ANKK1: variants seen among roughly 807,000 people sequenced by gnomAD.
The protein encoded by ANKK1 is ankyrin repeat and protein kinase domain-containing protein 1.
Under a neutral mutation model 37.6 loss-of-function variants are expected in ANKK1, and 37 were observed. The observed-to-expected ratio is 0.98, with a 90% CI of 0.76 to 1.29. The LOEUF is 1.29. Ranked by LOEUF, ANKK1 falls within the 50% of genes most tolerant of loss-of-function variation. The pLI is 0.00. For missense variants in ANKK1, 1,019 were observed against 990.6 expected, an observed-to-expected ratio of 1.03 and a Z score of -0.39; for synonymous variants, 415 against 418.7, an observed-to-expected ratio of 0.99 and a Z score of 0.11.
intron 2 of ANKK1, chr11:113,394,628 C>T (rs1950621794): frequency 5.7e-6 from 3 of 527,214 alleles, no homozygotes; most frequent in Non-Finnish European, 1.1e-5. Flanking sequence ...CACATCCTAA[C>T]TACATGCCAG....
intron 1 of ANKK1, among the ~76,000 whole-genome samples, chr11:113,391,741 A>G (rs1353667806): frequency 2.0e-5 from 3 of 152,134 alleles, no homozygotes; most frequent in Admixed American, 6.5e-5. Context: ...TGAATATCCA[A>G]TTGGAGATGA....
chr11:113,393,875 G>A (rs1950613644), intron 2 of ANKK1, 100 bp downstream of exon 2: 3 of 1,355,030 alleles, frequency 2.2e-6, no homozygotes, highest in Non-Finnish European at 3.0e-6. Flanking sequence ...AGGGTTTTAA[G>A]CAGTTCCCTT....
chr11:113,395,306 G>A, intron 3 of ANKK1, 53 bp from the exon 4 acceptor site: 1 of 1,609,536 alleles, frequency 6.2e-7, no homozygotes, highest in Non-Finnish European at 8.5e-7. Flanking sequence ...CCGGGCTGGG[G>A]TGATCTTGGA....
Position 113,400,300 on chromosome 11 carries a change from T to A in ANKK1, c.*33T>A. ...GGCCAGCCGTGGTGGCTCACGTCTG[T>A]AATCCCAGCACTTTGGGAGGCTGAG... On this transcript the variant is annotated 3_prime_UTR_variant, in exon 8 of 8. Coordinates refer to ENST00000303941, the MANE Select transcript of ANKK1 (RefSeq NM_178510.2). The A allele has an allele frequency of 6.7e-7, 1 of 1,500,762 alleles. No individual in the cohort carries two copies. Among genetic ancestry groups the A allele is most frequent in the Non-Finnish European group, 8.9e-7 (1 of 1,118,868 alleles). The allele number at this position is 1,500,762 out of a possible 1,614,324, so 93.0% of individuals were successfully genotyped here.
Position 113,399,455 on chromosome 11 carries a change from AC to A in ANKK1, c.1492del (p.Leu498SerfsTer16), listed in dbSNP as rs200507206. 7 of 1,593,962 alleles carry A rather than the reference AC, an allele frequency of 4.4e-6. No homozygotes were observed. In the Admixed American group the frequency reaches 5.2e-5, roughly 12 times the overall value. ...CAACCTGCATGAGGCTGAGGGCAAGACCCCCCTCCATGTGGCCGCCTACTTT... is the reference window on the plus strand; with the variant it reads ...CAACCTGCATGAGGCTGAGGGCAAGACCCCCTCCATGTGGCCGCCTACTTT... ...DPNLHEAEGK[T>X]PLHVAAYFGH... On this transcript the variant is annotated frameshift_variant, in exon 8 of 8. Transcript: ENST00000303941. LOFTEE classifies it low-confidence loss of function (END_TRUNC).
intron 3 of ANKK1, 72 bp downstream of exon 3, chr11:113,395,152 A>C: frequency 6.5e-7 from 1 of 1,533,458 alleles, no homozygotes; most frequent in Non-Finnish European, 8.8e-7. Flanking sequence ...CCTGGCCTCT[A>C]TGGCCCAAAG....
rs371927986 is a variant in ANKK1 at position 113,400,151 on chromosome 11, C to T, written c.2182C>T (p.Pro728Ser). The change falls in exon 8 of 8, where the codon CCC becomes TCC. Residue 728 changes from proline (P) to serine (S), a missense_variant. By Grantham distance (74) the Pro-to-Ser change is moderately conservative. Coordinates refer to ENST00000303941, the MANE Select transcript of ANKK1 (RefSeq NM_178510.2). ...LDVQDGVSCTPLQLALRSRKQ... is the reference protein window; with the variant it reads ...LDVQDGVSCTSLQLALRSRKQ... ...CGTCCAGGATGGAGTGAGCTGCACA[C>T]CCCTGCAACTGGCCCTCCGCAGCCG... is the stretch of plus-strand genomic sequence containing the variant. The T allele has an allele frequency of 1.4e-5, 23 of 1,603,600 alleles. No individual in the cohort carries two copies. The highest frequency in any genetic ancestry group is 2.0e-5 in the Non-Finnish European group (23 of 1,175,420).
At chr11:113,388,787 T>C (rs575662964) in intron 1 of ANKK1, among the ~76,000 whole-genome samples, 40 of 152,384 alleles carry the variant, frequency 2.6e-4, no homozygotes, top group African/African-American at 8.7e-4. Flanking sequence ...TGATTTGGAA[T>C]CCAGTCTCAT....
chr11:113,398,932 C>CA, intron 7 of ANKK1, 32 bp from the exon 8 acceptor site: 1 of 1,533,608 alleles, frequency 6.5e-7, no homozygotes, highest in African/African-American at 1.4e-5. Flanking sequence ...GGTCACAGGT[C>CA]TTTTTTTTCA....
rs146498786 is a variant in ANKK1 at position 113,396,208 on chromosome 11, G to A, written c.824G>A (p.Arg275Lys). 431 of 1,613,988 alleles carry A rather than the reference G, an allele frequency of 2.7e-4. 6 individuals carry two copies. The East Asian group carries it at 9.4e-3, about 35-fold the overall frequency. The change falls in exon 5 of 8, where the codon AGG (arginine) becomes AAG (lysine). Residue 275 changes from arginine (R) to lysine (K), a missense_variant. Physicochemically the swap from Arg to Lys is conservative, Grantham distance 26. Coordinates refer to ENST00000303941, the MANE Select transcript of ANKK1 (RefSeq NM_178510.2). Reference protein sequence around the residue: ...KRCWDQDPKKRPCFLDITIET... With the variant: ...KRCWDQDPKKKPCFLDITIET... ...TGCTGGGACCAGGACCCCAAGAAGA[G>A]GCCATGCTTTCTAGGTGCTTATCCA...
chr11:113,396,368 C>G, intron 5 of ANKK1, 146 bp downstream of exon 5: 1 of 984,526 alleles, frequency 1.0e-6, no homozygotes, highest in African/African-American at 1.7e-5. Context: ...TTCAGAGACA[C>G]GGTCTCTCTG....
intron 2 of ANKK1, among the ~76,000 whole-genome samples, chr11:113,394,457 CT>C (rs1288873321): frequency 6.6e-6 from 1 of 152,204 alleles, no homozygotes; most frequent in Non-Finnish European, 1.5e-5. Flanking sequence ...CACAGCCTTC[CT>C]GGCCCTCAAT....
intron 7 of ANKK1, among the ~76,000 whole-genome samples, chr11:113,398,752 A>C (rs1950660348): frequency 6.6e-6 from 1 of 152,150 alleles, no homozygotes; most frequent in African/African-American, 2.4e-5. Context: ...CTGTGAGGAA[A>C]GGACTGCAGG....
At chr11:113,388,550 G>A (rs1369708059) in intron 1 of ANKK1, among the ~76,000 whole-genome samples, 1 of 152,164 alleles carries the variant, frequency 6.6e-6, no homozygotes, top group African/African-American at 2.4e-5. Flanking sequence ...ACGGTGGCGG[G>A]AGGGAGGAGG....
At chr11:113,394,867 A>G in intron 2 of ANKK1, 62 bp from the exon 3 acceptor site, 3 of 1,593,998 alleles carry the variant, frequency 1.9e-6, no homozygotes, top group South Asian at 2.3e-5. Context: ...GTGAGAAGCC[A>G]TAGCCGTTTT....
At position 113,393,620 on chromosome 11, in the gene ANKK1, G is replaced by A. The variant is rs764128747; in HGVS notation, c.325G>A (p.Val109Met). ...TATGGCCAACGGCTCCCTGGAGAAG[G>A]TGCTGTCCACCCACAGCCTCTGCTG... ...EFMANGSLEKVLSTHSLCWKL... is the reference protein window; with the variant it reads ...EFMANGSLEKMLSTHSLCWKL... The change falls in exon 2 of 8, where the codon GTG becomes ATG. Residue 109 changes from valine to methionine, a missense_variant. Transcript: ENST00000303941. 10 of 1,613,808 alleles carry A rather than the reference G, an allele frequency of 6.2e-6. No individual in the cohort carries two copies. The Admixed American group carries it at 6.7e-5, about 11-fold the overall frequency.
rs1467626180 is a variant in ANKK1 at position 113,400,194 on chromosome 11, C to T, written c.2225C>T (p.Ser742Phe). Residue 742 changes from serine to phenylalanine, a missense_variant, in exon 8 of 8, where the codon TCC (serine) becomes TTC (phenylalanine). Physicochemically the swap from Ser to Phe is radical, Grantham distance 155. Transcript: ENST00000303941. ...CGCAGCCGAAAGCAGGGCATCATGTCCTTCCTAGAGGGCAAGGAGCCGTCA... is the reference window on the plus strand; with the variant it reads ...CGCAGCCGAAAGCAGGGCATCATGTTCTTCCTAGAGGGCAAGGAGCCGTCA... ...ALRSRKQGIM[S>F]FLEGKEPSVA... The T allele has an allele frequency of 5.1e-6, 8 of 1,562,576 alleles. No homozygotes were observed. The South Asian group carries it at 9.4e-5, about 18-fold the overall frequency.
chr11:113,399,761 C>T lies in ANKK1; in HGVS notation c.1792C>T (p.His598Tyr). ...LPTHQGWTPL[H>Y]LAAYKGHLEI... ...CACCCACCAGGGCTGGACACCCCTGCATCTAGCAGCCTACAAGGGCCACCT... is the reference window on the plus strand; with the variant it reads ...CACCCACCAGGGCTGGACACCCCTGTATCTAGCAGCCTACAAGGGCCACCT... Residue 598 changes from histidine (H) to tyrosine (Y), a missense_variant, in exon 8 of 8, where the codon CAT becomes TAT. By Grantham distance (83) the His-to-Tyr change is moderately conservative (BLOSUM62 2). Transcript: ENST00000303941. The T allele has an allele frequency of 1.2e-6, 2 of 1,603,668 alleles. No individual in the cohort carries two copies. The highest frequency in any genetic ancestry group is 1.7e-6 in the Non-Finnish European group (2 of 1,175,318).
intron 1 of ANKK1, among the ~76,000 whole-genome samples, chr11:113,392,979 C>T (rs1950599778): frequency 6.6e-6 from 1 of 152,170 alleles, no homozygotes; most frequent in African/African-American, 2.4e-5. Flanking sequence ...AAAATATCAA[C>T]AGAGGCTAGC....
Sources: gnomAD v4.1 joint callset for allele counts (sites outside exome capture counted in the v4.1 genomes callset) on GRCh38, gnomAD v4.1.1 for gene constraint, MANE v1.5 for transcripts, NCBI Gene and HGNC (gene_info 2026-07-23, HGNC 2026-07-21) for gene names.